The following GJB3 variants were observed in gnomAD, a reference collection of about 807,000 sequenced individuals.
GJB3 encodes the protein gap junction protein beta 3, also known as gap junction beta-3 protein.
GJB3 carries 6 observed loss-of-function variants against 8.1 expected under a neutral mutation model. The ratio of observed to expected loss-of-function variants is 0.75; its 90% CI spans 0.41 to 1.47. GJB3 has a LOEUF of 1.47. Ranked by LOEUF, GJB3 falls within the 40% of genes most tolerant of loss-of-function variation. GJB3 has a pLI of 0.02. For missense variants in GJB3, 348 were observed against 365.6 expected (o/e 0.95, Z 0.39); for synonymous variants, 137 against 156.4 (o/e 0.88, Z 0.93).
rs147459176 is a variant in GJB3 at position 34,784,885 on chromosome 1, G to T, written c.123G>T (p.Glu41Asp). The T allele has an allele frequency of 2.7e-5, 43 of 1,614,164 alleles. No individual in the cohort carries two copies. The African/African-American group carries it at 4.5e-4, about 17-fold the overall frequency. Residue 41 changes from glutamate to aspartate, a missense_variant, in exon 2 of 2, where the codon GAG (glutamate) becomes GAT (aspartate). Glu to Asp is a conservative substitution (Grantham distance 45). Transcript: ENST00000373366. Reference sequence around the variant, plus strand: ...TGCTGGTATACGTGGTGGCTGCAGAGCGCGTGTGGGGGGATGAGCAGAAGG... The same window carrying T: ...TGCTGGTATACGTGGTGGCTGCAGATCGCGTGTGGGGGGATGAGCAGAAGG... ...FRVLVYVVAA[E>D]RVWGDEQKDF...
rs1571580453 is a variant in GJB3, at chr1:34,785,150, A to T, written c.388A>T (p.Thr130Ser). 2.5e-6 allele frequency: 4 copies of T among 1,614,024 alleles called. No individual in the cohort carries two copies. Among genetic ancestry groups the T allele is most frequent in the Non-Finnish European group, 1.7e-6 (2 of 1,180,000 alleles). The change falls in exon 2 of 2, where the codon ACC becomes TCC. Residue 130 changes from threonine (T) to serine (S), a missense_variant. By Grantham distance (58) the Thr-to-Ser change is moderately conservative. Transcript: ENST00000373366. This position sits in a 1 kb window ranked among gnomAD's most constrained non-coding sequence, Gnocchi z 4.7. The stretch of plus-strand genomic sequence containing the variant: ...CAAGAAGCACGGAGGCCTGTGGTGG[A>T]CCTACCTGTTCAGCCTCATCTTCAA... ...AGKKHGGLWWTYLFSLIFKLI... is the reference protein window; with the variant it reads ...AGKKHGGLWWSYLFSLIFKLI...
At position 34,785,044 on chromosome 1, in the gene GJB3, C is replaced by T. The variant is rs144131831; in HGVS notation, c.282C>T (p.His94=). The stretch of plus-strand genomic sequence containing the variant: ...GCCCCTCGCTGCTGGTCATCCTGCA[C>T]GTGGCCTACCGTGAGGAGCGGGAGC... ...VTCPSLLVIL[H]VAYREERERR... Residue 94 remains histidine, a synonymous_variant, in exon 2 of 2, where the codon CAC becomes CAT. Coordinates refer to ENST00000373366, the MANE Select transcript of GJB3 (RefSeq NM_024009.3). This position sits in a 1 kb window ranked among gnomAD's most constrained non-coding sequence, Gnocchi z 4.7. 241 of 1,614,016 alleles carry T rather than the reference C, an allele frequency of 1.5e-4. No individual in the cohort carries two copies. The highest frequency in any genetic ancestry group is 8.8e-4 in the Admixed American group (53 of 60,002).
rs1640042010 is a variant in GJB3 at position 34,783,184 on chromosome 1, GT to G, written c.-26+1408del. On this transcript the variant is annotated intron_variant, in intron 1 of 1. Transcript: ENST00000373366. Reference sequence around the variant, plus strand: ...GCTCCCTTGAGCCTGGGAAGCAGAGGTTGCAGTGAGCCAAGGTCGCACCACT... The same window carrying G: ...GCTCCCTTGAGCCTGGGAAGCAGAGGTGCAGTGAGCCAAGGTCGCACCACT... Among the ~76,000 whole-genome samples the G allele has an allele frequency of 2.0e-5, 3 of 152,098 alleles. No individual in the cohort carries two copies. In the South Asian group the frequency reaches 6.2e-4, roughly 32 times the overall value.
chr1:34,785,067 A>C lies in GJB3; in HGVS notation c.305A>C (p.Glu102Ala), dbSNP rs1448700626. 1.2e-6 allele frequency: 2 copies of C among 1,613,906 alleles called. No individual in the cohort carries two copies. The highest frequency in any genetic ancestry group is 1.7e-6 in the Non-Finnish European group (2 of 1,180,020). ...CACGTGGCCTACCGTGAGGAGCGGGAGCGCCGGCACCGCCAGAAACACGGG... is the reference window on the plus strand; with the variant it reads ...CACGTGGCCTACCGTGAGGAGCGGGCGCGCCGGCACCGCCAGAAACACGGG... Reference protein sequence around the residue: ...ILHVAYREERERRHRQKHGDQ... With the variant: ...ILHVAYREERARRHRQKHGDQ... Residue 102 changes from glutamate (E) to alanine (A), a missense_variant, in exon 2 of 2, where the codon GAG becomes GCG. Physicochemically the swap from Glu to Ala is moderately radical, Grantham distance 107. Coordinates refer to ENST00000373366, the MANE Select transcript of GJB3 (RefSeq NM_024009.3). The surrounding 1 kb of genome is among the most constrained non-coding windows in gnomAD (Gnocchi z 4.7).
intron 1 of GJB3, chr1:34,782,464 AAG>A (rs1640027702): frequency 6.6e-6 from 1 of 152,122 alleles, no homozygotes; most frequent in African/African-American, 2.4e-5. Flanking sequence ...CCTGGGAGGG[AAG>A]AGTCTCAGGA....
chr1:34,782,388 T>G (rs960045105), intron 1 of GJB3: 3 of 152,214 alleles, frequency 2.0e-5, no homozygotes, highest in Non-Finnish European at 4.4e-5. Flanking sequence ...CTCTGCTCTC[T>G]GTCCGGACAG....
chr1:34,784,850 G>T lies in GJB3; in HGVS notation c.88G>T (p.Val30Phe), dbSNP rs373725070. ...FGRIWLSVVF[V>F]FRVLVYVVAA... is the part of the protein sequence containing the mutation. ...GCGCATCTGGCTGTCCGTGGTGTTC[G>T]TCTTCCGGGTGCTGGTATACGTGGT... is the stretch of plus-strand genomic sequence containing the variant. The change falls in exon 2 of 2, where the codon GTC becomes TTC. Residue 30 changes from valine to phenylalanine, a missense_variant. Physicochemically the swap from Val to Phe is conservative, Grantham distance 50. Transcript: ENST00000373366. 1.9e-6 allele frequency: 3 copies of T among 1,614,062 alleles called. No individual in the cohort carries two copies. The highest frequency in any genetic ancestry group is 2.5e-6 in the Non-Finnish European group (3 of 1,180,040).
chr1:34,785,201 T>C lies in GJB3; in HGVS notation c.439T>C (p.Tyr147His). The C allele has an allele frequency of 6.2e-7, 1 of 1,614,144 alleles. No homozygotes were observed. The stretch of plus-strand genomic sequence containing the variant: ...GCTCATCATTGAGTTCCTCTTCCTC[T>C]ACCTGCTGCACACTCTCTGGCATGG... ...FKLIIEFLFLYLLHTLWHGFN... is the reference protein window; with the variant it reads ...FKLIIEFLFLHLLHTLWHGFN... Residue 147 changes from tyrosine to histidine, a missense_variant, in exon 2 of 2, where the codon TAC becomes CAC. Transcript: ENST00000373366. This position sits in a 1 kb window ranked among gnomAD's most constrained non-coding sequence, Gnocchi z 4.7.
Position 34,781,795 on chromosome 1 carries a change from G to C in GJB3, c.-26+17G>C, listed in dbSNP as rs946493220. The C allele has an allele frequency of 1.3e-5, 2 of 152,428 alleles. No individual in the cohort carries two copies. Among genetic ancestry groups the C allele is most frequent in the Non-Finnish European group, 2.9e-5 (2 of 68,208 alleles). 9.4% of individuals were successfully genotyped at this position (152,428 alleles called of 1,614,324 possible). On this transcript the variant is annotated intron_variant, in intron 1 of 1. Coordinates refer to ENST00000373366, the MANE Select transcript of GJB3 (RefSeq NM_024009.3). The surrounding 1 kb of genome is among the most constrained non-coding windows in gnomAD (Gnocchi z 6.2). ...CCGCTGCAGGTAAGTGCTGGACGGGGCGGGGCGAGGCTGGGCGGGACCCTC... is the reference window on the plus strand; with the variant it reads ...CCGCTGCAGGTAAGTGCTGGACGGGCCGGGGCGAGGCTGGGCGGGACCCTC...
At position 34,784,858 on chromosome 1, in the gene GJB3, G is replaced by A; in HGVS notation, c.96G>A (p.Arg32=). ...RIWLSVVFVF[R]VLVYVVAAER... ...GGCTGTCCGTGGTGTTCGTCTTCCG[G>A]GTGCTGGTATACGTGGTGGCTGCAG... The change falls in exon 2 of 2, where the codon CGG becomes CGA. Residue 32 remains arginine (R), a synonymous_variant. Coordinates refer to ENST00000373366, the MANE Select transcript of GJB3 (RefSeq NM_024009.3). The A allele has an allele frequency of 6.2e-7, 1 of 1,614,150 alleles. No individual in the cohort carries two copies. Among genetic ancestry groups the A allele is most frequent in the Non-Finnish European group, 8.5e-7 (1 of 1,180,032 alleles).
chr1:34,784,948 C>A lies in GJB3; in HGVS notation c.186C>A (p.Asn62Lys). The part of the protein sequence containing the change: ...DCNTKQPGCT[N>K]VCYDNYFPIS... ...ACACCAAGCAGCCCGGCTGCACCAACGTCTGCTACGACAACTACTTCCCCA... is the reference window on the plus strand; with the variant it reads ...ACACCAAGCAGCCCGGCTGCACCAAAGTCTGCTACGACAACTACTTCCCCA... Residue 62 changes from asparagine to lysine, a missense_variant, in exon 2 of 2, where the codon AAC (asparagine) becomes AAA (lysine). Coordinates refer to ENST00000373366, the MANE Select transcript of GJB3 (RefSeq NM_024009.3). 6.2e-7 allele frequency: 1 copy of A among 1,614,224 alleles called. No individual in the cohort carries two copies.
At position 34,785,673 on chromosome 1, in the gene GJB3, C is replaced by A; in HGVS notation, c.*98C>A. 1 of 926,264 alleles carries A rather than the reference C, an allele frequency of 1.1e-6. No homozygotes were observed. Among genetic ancestry groups the A allele is most frequent in the East Asian group, 2.6e-5 (1 of 38,636 alleles). 57.4% of individuals were successfully genotyped at this position (926,264 alleles called of 1,614,324 possible). A position where few individuals can be genotyped will look rare whatever the true frequency, so the allele number is the denominator to read the frequency against. On this transcript the variant is annotated 3_prime_UTR_variant, in exon 2 of 2. Coordinates refer to ENST00000373366, the MANE Select transcript of GJB3 (RefSeq NM_024009.3). The surrounding 1 kb of genome is among the most constrained non-coding windows in gnomAD (Gnocchi z 4.7). ...CCTACAGGGGCTGAGTGACCCCACTCTGAGTTCACTAAGTTATGCAACTTT... is the reference window on the plus strand; with the variant it reads ...CCTACAGGGGCTGAGTGACCCCACTATGAGTTCACTAAGTTATGCAACTTT...
chr1:34,785,311 G>A lies in GJB3; in HGVS notation c.549G>A (p.Glu183=). ...ACTGCTACATTGCCCGACCTACCGA[G>A]AAGAAAATCTTCACCTACTTCATGG... ...IVDCYIARPT[E]KKIFTYFMVG... is the part of the protein sequence containing the mutation. Residue 183 remains glutamate, a synonymous_variant, in exon 2 of 2, where the codon GAG becomes GAA. Coordinates refer to ENST00000373366, the MANE Select transcript of GJB3 (RefSeq NM_024009.3). The surrounding 1 kb of genome is among the most constrained non-coding windows in gnomAD (Gnocchi z 4.7). The A allele has an allele frequency of 1.2e-6, 2 of 1,613,672 alleles. No homozygotes were observed. Among genetic ancestry groups the A allele is most frequent in the Non-Finnish European group, 1.7e-6 (2 of 1,180,022 alleles).
At position 34,784,921 on chromosome 1, in the gene GJB3, CA is replaced by C; in HGVS notation, c.161del (p.Asn54ThrfsTer214). The C allele has an allele frequency of 6.2e-7, 1 of 1,614,138 alleles. No homozygotes were observed. Among genetic ancestry groups the C allele is most frequent in the Non-Finnish European group, 8.5e-7 (1 of 1,180,020 alleles). ...GGGATGAGCAGAAGGACTTTGACTG[CA>C]ACACCAAGCAGCCCGGCTGCACCAA... ...WGDEQKDFDCNTKQPGCTNVC... is the reference protein window; with the variant it reads ...WGDEQKDFDCXTKQPGCTNVC... On this transcript the variant is annotated frameshift_variant, in exon 2 of 2. Coordinates refer to ENST00000373366, the MANE Select transcript of GJB3 (RefSeq NM_024009.3). LOFTEE classifies it high-confidence loss of function.
At position 34,785,259 on chromosome 1, in the gene GJB3, A is replaced by T. The variant is rs121908851; in HGVS notation, c.497A>T (p.Asn166Ile). The change falls in exon 2 of 2, where the codon AAC becomes ATC. Residue 166 changes from asparagine (N) to isoleucine (I), a missense_variant. By Grantham distance (149) the Asn-to-Ile change is moderately radical. Coordinates refer to ENST00000373366, the MANE Select transcript of GJB3 (RefSeq NM_024009.3). This position sits in a 1 kb window ranked among gnomAD's most constrained non-coding sequence, Gnocchi z 4.7. ...FNMPRLVQCA[N>I]VAPCPNIVDC... is the part of the protein sequence containing the mutation. ...ATGCCGCGCCTGGTGCAGTGTGCCAACGTGGCCCCCTGCCCCAACATCGTG... is the reference window on the plus strand; with the variant it reads ...ATGCCGCGCCTGGTGCAGTGTGCCATCGTGGCCCCCTGCCCCAACATCGTG... 1 of 1,613,894 alleles carries T rather than the reference A, an allele frequency of 6.2e-7. No homozygotes were observed. Among genetic ancestry groups the T allele is most frequent in the Admixed American group, 1.7e-5 (1 of 60,014 alleles).
rs1206251762 is a variant in GJB3, at chr1:34,785,830, A to G, written c.*255A>G. On this transcript the variant is annotated 3_prime_UTR_variant, in exon 2 of 2. Transcript: ENST00000373366. The surrounding 1 kb of genome is among the most constrained non-coding windows in gnomAD (Gnocchi z 4.7). ...CGAATTAACTATCTACGCTGCCTGCAAGGGGCCACTTAGGGCACTGCTAGC... is the reference window on the plus strand; with the variant it reads ...CGAATTAACTATCTACGCTGCCTGCGAGGGGCCACTTAGGGCACTGCTAGC... The G allele has an allele frequency of 5.4e-6, 3 of 557,328 alleles. No homozygotes were observed. Among genetic ancestry groups the G allele is most frequent in the Admixed American group, 6.4e-5 (2 of 31,200 alleles). 34.5% of individuals were successfully genotyped at this position (557,328 alleles called of 1,614,324 possible).
In GJB3 at chr1:34,785,404, C is replaced by A. The variant is rs970682269; in HGVS notation, c.642C>A (p.Val214=). Residue 214 remains valine (V), a synonymous_variant, in exon 2 of 2, where the codon GTC becomes GTA. Transcript: ENST00000373366. This position sits in a 1 kb window ranked among gnomAD's most constrained non-coding sequence, Gnocchi z 4.7. ...TCTGCTACCTCATCTGCCACAGGGTCCTGCGAGGCCTGCACAAGGACAAGC... is the reference window on the plus strand; with the variant it reads ...TCTGCTACCTCATCTGCCACAGGGTACTGCGAGGCCTGCACAAGGACAAGC... ...CELCYLICHR[V]LRGLHKDKPR... 11 of 1,614,050 alleles carry A rather than the reference C, an allele frequency of 6.8e-6. No homozygotes were observed. The highest frequency in any genetic ancestry group is 1.3e-5 in the African/African-American group (1 of 74,912).
chr1:34,781,677 C>A lies in GJB3; in HGVS notation c.-127C>A, dbSNP rs1385994251. 6.6e-6 allele frequency: 1 copy of A among 152,640 alleles called. No individual in the cohort carries two copies. Among genetic ancestry groups the A allele is most frequent in the East Asian group, 1.9e-4 (1 of 5,194 alleles). 9.5% of individuals were successfully genotyped at this position (152,640 alleles called of 1,614,324 possible). On this transcript the variant is annotated 5_prime_UTR_variant, in exon 1 of 2. Coordinates refer to ENST00000373366, the MANE Select transcript of GJB3 (RefSeq NM_024009.3). This position sits in a 1 kb window ranked among gnomAD's most constrained non-coding sequence, Gnocchi z 6.2. ...TCCGCGCCGCCCGGGGTGTGCCCGC[C>A]GTCTGTGTGCACCACTGCTGAGCCC...
chr1:34,784,990 C>T lies in GJB3; in HGVS notation c.228C>T (p.Leu76=). 6.2e-7 allele frequency: 1 copy of T among 1,614,210 alleles called. No individual in the cohort carries two copies. The highest frequency in any genetic ancestry group is 1.1e-5 in the South Asian group (1 of 91,084). The part of the protein sequence containing the change: ...DNYFPISNIR[L]WALQLIFVTC... ...ACTTCCCCATCTCCAACATCCGCCT[C>T]TGGGCCCTGCAGCTCATCTTCGTCA... The change falls in exon 2 of 2, where the codon CTC becomes CTT. Residue 76 remains leucine, a synonymous_variant. Coordinates refer to ENST00000373366, the MANE Select transcript of GJB3 (RefSeq NM_024009.3).
Sources: gnomAD v4.1 joint callset for allele counts (sites outside exome capture counted in the v4.1 genomes callset) on GRCh38, gnomAD v4.1.1 for gene constraint, Gnocchi (gnomAD v3.1) non-coding constraint, MANE v1.5 for transcripts, NCBI Gene and HGNC (gene_info 2026-07-23, HGNC 2026-07-21) for gene names.